AJAP1: variants seen among roughly 807,000 people sequenced by gnomAD.
AJAP1 encodes the protein adherens junction-associated protein 1.
In AJAP1, 5 loss-of-function variants were observed where a neutral mutation model predicts 35.0. The ratio of observed to expected loss-of-function variants is 0.14; its 90% confidence interval spans 0.07 to 0.30. AJAP1 has a LOEUF of 0.30. Ranked by LOEUF, AJAP1 falls within the 10% of genes least tolerant of loss-of-function variation. The probability of loss-of-function intolerance (pLI) is 1.00; values close to 1 mark genes in which losing one functional copy is unlikely to be tolerated. For synonymous variants in AJAP1, 284 were observed against 249.3 expected (o/e 1.14, Z -1.31); for missense variants, 586 against 571.0 (o/e 1.03, Z -0.27).
intron 2 of AJAP1, among the ~76,000 whole-genome samples, chr1:4,727,370 C>T (rs1055423610): frequency 2.0e-5 from 3 of 152,234 alleles, no homozygotes; most frequent in African/African-American, 7.2e-5. Context: ...GCCTCCAGCC[C>T]TCTCCTGTGG....
chr1:4,760,984 T>C (rs1162151813), intron 2 of AJAP1, among the ~76,000 whole-genome samples: 1 of 152,214 alleles, frequency 6.6e-6, no homozygotes, highest in Non-Finnish European at 1.5e-5. Flanking sequence ...GAAATGTGCA[T>C]TGAGATCATG....
At chr1:4,733,642 T>C (rs1012785822) in intron 2 of AJAP1, among the ~76,000 whole-genome samples, 9 of 151,826 alleles carry the variant, frequency 5.9e-5, no homozygotes, top group Non-Finnish European at 1.2e-4. Flanking sequence ...ACACAGATCC[T>C]GCTCCGAGCG....
At chr1:4,664,383 T>C (rs908627216) in intron 1 of AJAP1, among the ~76,000 whole-genome samples, 1 of 152,078 alleles carries the variant, frequency 6.6e-6, no homozygotes, top group South Asian at 2.1e-4. Context: ...TGGATGCCCA[T>C]GGTATGGAGG....
At chr1:4,668,206 T>G (rs1186656679) in intron 1 of AJAP1, among the ~76,000 whole-genome samples, 2 of 54,324 alleles carry the variant, frequency 3.7e-5, no homozygotes, top group East Asian at 9.0e-4. Context: ...AGAGTGAAAC[T>G]CTATCTCAAA....
chr1:4,734,230 G>C lies in AJAP1; in HGVS notation c.829+21531G>C, dbSNP rs1347077324. On this transcript the variant is annotated intron_variant, in intron 2 of 5. Transcript: ENST00000378191. The surrounding 1 kb of genome is among the most constrained non-coding windows in gnomAD (Gnocchi z 4.3). ...CTTCTTAGATGAAAGGAGTGCCTCA[G>C]CTGAGCCCCGGAATAGGAAGGGCCT... 6.6e-6 allele frequency among the ~76,000 whole-genome samples: 1 copy of C among 152,230 alleles called. No homozygotes were observed. The highest frequency in any genetic ancestry group is 1.5e-5 in the Non-Finnish European group (1 of 68,050).
chr1:4,730,928 C>G (rs242051), intron 2 of AJAP1, among the ~76,000 whole-genome samples: 20,794 of 152,198 alleles, frequency 0.14, 1,703 homozygotes, highest in Non-Finnish European at 0.17. Flanking sequence ...AAGTATGTCC[C>G]TGACCCTTTT....
intron 2 of AJAP1, among the ~76,000 whole-genome samples, chr1:4,726,229 G>A (rs1640656143): frequency 6.6e-6 from 1 of 152,222 alleles, no homozygotes; most frequent in South Asian, 2.1e-4. Context: ...GGGCACAGGG[G>A]CAGGCCCTGA....
chr1:4,706,504 A>G (rs1419592675), intron 1 of AJAP1, among the ~76,000 whole-genome samples: 5 of 152,306 alleles, frequency 3.3e-5, no homozygotes, highest in Admixed American at 3.3e-4. Flanking sequence ...AGTCACGGGA[A>G]GTGGGTGTCT....
chr1:4,730,341 C>A (rs950769598), intron 2 of AJAP1, among the ~76,000 whole-genome samples: 3 of 152,208 alleles, frequency 2.0e-5, no homozygotes, highest in Non-Finnish European at 4.4e-5. Flanking sequence ...GACACTGACA[C>A]AGAATTCCAG....
intron 2 of AJAP1, among the ~76,000 whole-genome samples, chr1:4,751,646 G>T (rs560545330): frequency 6.6e-6 from 1 of 152,354 alleles, no homozygotes; most frequent in African/African-American, 2.4e-5. Flanking sequence ...TCTGGGAGTC[G>T]TCTTGTCCAC....
intron 1 of AJAP1, among the ~76,000 whole-genome samples, chr1:4,673,367 T>C (rs964013519): frequency 2.0e-5 from 3 of 152,226 alleles, no homozygotes; most frequent in Non-Finnish European, 4.4e-5. Flanking sequence ...ATTTCCTCTC[T>C]CTTTCCCGTC....
At position 4,696,957 on chromosome 1, in the gene AJAP1, T is replaced by C. The variant is rs1182916068; in HGVS notation, c.30-14943T>C. On this transcript the variant is annotated intron_variant, in intron 1 of 5. Coordinates refer to ENST00000378191, the MANE Select transcript of AJAP1 (RefSeq NM_018836.4). Reference sequence around the variant, plus strand: ...TGTGTGTCTCTGCATGTTCTGTGTGTATGTGTGTCTCTGTATGTGCACATG... The same window carrying C: ...TGTGTGTCTCTGCATGTTCTGTGTGCATGTGTGTCTCTGTATGTGCACATG... Among the ~76,000 whole-genome samples the C allele has an allele frequency of 2.0e-5, 3 of 151,778 alleles. No homozygotes were observed. In the East Asian group the frequency reaches 5.8e-4, roughly 29 times the overall value.
At position 4,715,950 on chromosome 1, in the gene AJAP1, G is replaced by C. The variant is rs376850875; in HGVS notation, c.829+3251G>C. Among the ~76,000 whole-genome samples, 4 of 152,268 alleles carry C rather than the reference G, an allele frequency of 2.6e-5. No individual in the cohort carries two copies. The East Asian group carries it at 5.8e-4, about 22-fold the overall frequency. On this transcript the variant is annotated intron_variant, in intron 2 of 5. Coordinates refer to ENST00000378191, the MANE Select transcript of AJAP1 (RefSeq NM_018836.4). Reference sequence around the variant, plus strand: ...CCCAAAATTTGGAATTGGAGTTTTAGGAGGTGGATGAAACATCCATTAAGT... The same window carrying C: ...CCCAAAATTTGGAATTGGAGTTTTACGAGGTGGATGAAACATCCATTAAGT...
chr1:4,707,236 C>G (rs1640121042), intron 1 of AJAP1, among the ~76,000 whole-genome samples: 2 of 152,166 alleles, frequency 1.3e-5, no homozygotes, highest in South Asian at 4.1e-4. Flanking sequence ...TCCCCACAAC[C>G]CTTGCACACA....
rs1642106852 is a variant in AJAP1 at position 4,783,481 on chromosome 1, A to ATATATATATATATATATGTGTG, written c.*1013_*1014insGTGTGTATATATATATATATAT. The ATATATATATATATATATGTGTG allele has an allele frequency of 1.0e-5, 1 of 96,822 alleles. No individual in the cohort carries two copies. The highest frequency in any genetic ancestry group is 4.1e-5 in the African/African-American group (1 of 24,360). The allele number at this position is 96,822 out of a possible 1,614,324, so 6.0% of individuals were successfully genotyped here. On this transcript the variant is annotated 3_prime_UTR_variant, in exon 6 of 6. Coordinates refer to ENST00000378191, the MANE Select transcript of AJAP1 (RefSeq NM_018836.4). ...TTTATATATGTGTGTGTATATATAT[A>ATATATATATATATATATGTGTG]TATATATATATATATATATATATAT...
chr1:4,679,808 GGTGTGTGTGT>G (rs60846836), intron 1 of AJAP1, among the ~76,000 whole-genome samples: 4,667 of 142,398 alleles, frequency 0.033, 97 homozygotes, highest in South Asian at 0.064. Flanking sequence ...GAACCAATAG[GGTGTGTGTGT>G]GTGTGTGTGT....
At chr1:4,665,571 C>T (rs923277810) in intron 1 of AJAP1, among the ~76,000 whole-genome samples, 3 of 152,216 alleles carry the variant, frequency 2.0e-5, no homozygotes, top group Non-Finnish European at 2.9e-5. Context: ...CTCACCCCGA[C>T]GGTCCCTGGG....
At chr1:4,671,096 C>T (rs12139858) in intron 1 of AJAP1, among the ~76,000 whole-genome samples, 36,160 of 152,160 alleles carry the variant, frequency 0.24, 4,782 homozygotes, top group Middle Eastern at 0.39. Context: ...AGGCCAGGCA[C>T]GGTAGCTCAT....
chr1:4,780,869 C>G (rs1557652775), intron 5 of AJAP1, among the ~76,000 whole-genome samples: 2 of 152,076 alleles, frequency 1.3e-5, no homozygotes, highest in African/African-American at 4.8e-5. Context: ...GCAGTGAACC[C>G]TGTGCCCACA....
Sources: gnomAD v4.1 joint callset for allele counts (sites outside exome capture counted in the v4.1 genomes callset) on GRCh38, gnomAD v4.1.1 for gene constraint, Gnocchi (gnomAD v3.1) non-coding constraint, MANE v1.5 for transcripts, NCBI Gene and HGNC (gene_info 2026-07-23, HGNC 2026-07-21) for gene names.